The following PDE7A variants were observed in gnomAD, a reference collection of about 807,000 sequenced individuals.
PDE7A encodes high affinity 3',5'-cyclic-AMP phosphodiesterase 7A.
PDE7A carries 39 observed loss-of-function variants against 64.3 expected under a neutral mutation model. That is an observed-to-expected ratio of 0.61 (90% CI 0.47 to 0.79). The LOEUF (loss-of-function observed/expected upper bound fraction) is 0.79, where lower values mean the gene tolerates loss of function less well. Among genes scored for constraint, PDE7A ranks in the 30% least tolerant of loss-of-function variants. The probability of loss-of-function intolerance (pLI) is 0.00; values close to 1 mark genes in which losing one functional copy is unlikely to be tolerated. For synonymous variants in PDE7A, 203 were observed against 206.8 expected (o/e 0.98, Z 0.16); for missense variants, 470 against 582.8 (o/e 0.81, Z 1.99).
chr8:65,814,294 G>A (rs953785958), intron 1 of PDE7A, among the ~76,000 whole-genome samples: 1 of 150,930 alleles, frequency 6.6e-6, no homozygotes, highest in Non-Finnish European at 1.5e-5. Flanking sequence ...GGCGGATCAC[G>A]AGGTCAGGAG....
At chr8:65,819,692 C>T (rs1048582586) in intron 1 of PDE7A, among the ~76,000 whole-genome samples, 1 of 152,110 alleles carries the variant, frequency 6.6e-6, no homozygotes, top group Non-Finnish European at 1.5e-5. Flanking sequence ...TTAATTCTTC[C>T]CATTGACAAA....
intron 3 of PDE7A, among the ~76,000 whole-genome samples, chr8:65,777,356 A>C (rs1423533665): frequency 6.6e-6 from 1 of 151,528 alleles, no homozygotes; most frequent in African/African-American, 2.4e-5. Context: ...TGGGATTACA[A>C]GCGTGAGCCA....
Position 65,757,747 on chromosome 8 carries a change from T to G in PDE7A, c.284-9944A>C, listed in dbSNP as rs143427561. 6.6e-3 allele frequency among the ~76,000 whole-genome samples: 1,011 copies of G among 152,232 alleles called. 12 individuals are homozygous for G. The highest frequency in any genetic ancestry group is 0.023 in the African/African-American group (971 of 41,516). ...GATTCTTCTGCCTCAGCCTCCTGAG[T>G]AGCTGGGACTACAGACGTGTGCCAC... is the stretch of plus-strand genomic sequence containing the variant. On this transcript the variant is annotated intron_variant, in intron 3 of 12. Transcript: ENST00000401827.
chr8:65,726,587 T>A (rs1174228062), intron 9 of PDE7A, among the ~76,000 whole-genome samples: 2 of 152,326 alleles, frequency 1.3e-5, no homozygotes, highest in South Asian at 4.1e-4. Flanking sequence ...TATCTATTTA[T>A]GTAAATAAGT....
intron 11 of PDE7A, among the ~76,000 whole-genome samples, 171 bp from the exon 12 acceptor site, chr8:65,723,792 A>G (rs1806493654): frequency 6.6e-6 from 1 of 152,192 alleles, no homozygotes; most frequent in South Asian, 2.1e-4. Context: ...TACACATAGA[A>G]GAGATTGCCA....
chr8:65,838,884 C>G (rs1563526896), intron 1 of PDE7A: 1 of 152,200 alleles, frequency 6.6e-6, no homozygotes, highest in Non-Finnish European at 1.5e-5. Flanking sequence ...TAAAACACAC[C>G]GGCTTTAAGA....
At chr8:65,809,129 C>T (rs1563515602) in intron 1 of PDE7A, among the ~76,000 whole-genome samples, 1 of 152,166 alleles carries the variant, frequency 6.6e-6, no homozygotes, top group Admixed American at 6.5e-5. Flanking sequence ...TCTCTCTGAA[C>T]CTAAATCTTC....
At chr8:65,754,130 T>C (rs1414313467) in intron 3 of PDE7A, among the ~76,000 whole-genome samples, 1 of 152,142 alleles carries the variant, frequency 6.6e-6, no homozygotes, top group Non-Finnish European at 1.5e-5. Context: ...GTCTGATGTT[T>C]GAGGGATCCA....
At chr8:65,810,617 T>C (rs546905855) in intron 1 of PDE7A, among the ~76,000 whole-genome samples, 1 of 152,186 alleles carries the variant, frequency 6.6e-6, no homozygotes, top group Non-Finnish European at 1.5e-5. Flanking sequence ...ATCATCCTAT[T>C]TTTTAAGGAT....
chr8:65,796,776 T>C (rs1396369479), intron 1 of PDE7A, among the ~76,000 whole-genome samples: 1 of 152,064 alleles, frequency 6.6e-6, no homozygotes, highest in Non-Finnish European at 1.5e-5. Context: ...TGCCCTAAGA[T>C]CACAAGCAAA....
intron 1 of PDE7A, among the ~76,000 whole-genome samples, chr8:65,798,208 T>TATATA (rs1282422397): frequency 3.8e-5 from 4 of 106,552 alleles, no homozygotes; most frequent in African/African-American, 1.0e-4. Flanking sequence ...ATATATATAT[T>TATATA]TTTTTTTTTT....
chr8:65,828,623 T>C (rs571165492), intron 1 of PDE7A, among the ~76,000 whole-genome samples: 13 of 152,252 alleles, frequency 8.5e-5, no homozygotes, highest in African/African-American at 2.6e-4. Flanking sequence ...GCAGAAATGG[T>C]AGTATCTACA....
chr8:65,822,933 T>C (rs1357921402), intron 1 of PDE7A, among the ~76,000 whole-genome samples: 4 of 150,134 alleles, frequency 2.7e-5, no homozygotes, highest in Non-Finnish European at 5.9e-5. Context: ...TTATCTTATC[T>C]ATTAACTTTA....
Position 65,767,001 on chromosome 8 carries a change from AAACAACAAC to A in PDE7A, c.283+12710_283+12718del, listed in dbSNP as rs149118435. ...TGTCAGAAATAAGTCTGCTCATTCA[AAACAACAAC>A]AACAACAACAACAACAACAACAACA... On this transcript the variant is annotated intron_variant, in intron 3 of 12. Coordinates refer to ENST00000401827, the MANE Select transcript of PDE7A (RefSeq NM_001242318.3). Among the ~76,000 whole-genome samples the A allele has an allele frequency of 1.9e-3, 288 of 150,936 alleles. 1 individual carries two copies. The highest frequency in any genetic ancestry group is 5.6e-3 in the African/African-American group (228 of 41,058).
intron 1 of PDE7A, among the ~76,000 whole-genome samples, chr8:65,789,975 C>T (rs1390321864): frequency 6.6e-6 from 1 of 152,174 alleles, no homozygotes; most frequent in Non-Finnish European, 1.5e-5. Context: ...ATGAAGCAGA[C>T]GTAGGAAACG....
chr8:65,804,373 C>T lies in PDE7A; in HGVS notation c.139-21530G>A, dbSNP rs567341898. On this transcript the variant is annotated intron_variant, in intron 1 of 12. Coordinates refer to ENST00000401827, the MANE Select transcript of PDE7A (RefSeq NM_001242318.3). ...TCATTTTAGAATGAATTCCCTCCAT[C>T]CCAAGAAAGTCGTGTCAACTTTAAC... is the stretch of plus-strand genomic sequence containing the variant. Among the ~76,000 whole-genome samples, 51 of 152,040 alleles carry T rather than the reference C, an allele frequency of 3.4e-4. 1 individual carries two copies. The highest frequency in any genetic ancestry group is 6.9e-4 in the Non-Finnish European group (47 of 68,012).
At chr8:65,797,538 A>G (rs1382179969) in intron 1 of PDE7A, among the ~76,000 whole-genome samples, 2 of 152,212 alleles carry the variant, frequency 1.3e-5, no homozygotes, top group African/African-American at 4.8e-5. Flanking sequence ...CAGAAGTGTG[A>G]GACAGATAAT....
chr8:65,767,565 A>G (rs567250068), intron 3 of PDE7A, among the ~76,000 whole-genome samples: 1 of 152,030 alleles, frequency 6.6e-6, no homozygotes, highest in Non-Finnish European at 1.5e-5. Flanking sequence ...GGCCTTTCTG[A>G]CTGTGAGTCT....
intron 5 of PDE7A, among the ~76,000 whole-genome samples, chr8:65,745,107 C>G (rs1182886771): frequency 1.3e-5 from 2 of 152,186 alleles, no homozygotes; most frequent in African/African-American, 2.4e-5. Flanking sequence ...GGGGTTTCCC[C>G]TTTTGCTTGG....
Sources: allele counts gnomAD v4.1 joint callset (sites outside exome capture counted in the v4.1 genomes callset), GRCh38; gene constraint gnomAD v4.1.1; transcripts MANE v1.5; gene names NCBI Gene and HGNC (gene_info 2026-07-23, HGNC 2026-07-21).